FHIT: variants seen among roughly 807,000 people sequenced by gnomAD.
The protein encoded by FHIT is bis(5'-adenosyl)-triphosphatase.
FHIT carries 19 observed loss-of-function variants against 17.9 expected under a neutral mutation model. That is an observed-to-expected ratio of 1.06 (90% CI 0.74 to 1.56). The LOEUF (loss-of-function observed/expected upper bound fraction) is 1.56, where lower values mean the gene tolerates loss of function less well. FHIT is among the 40% of genes most tolerant of loss of function. The probability of loss-of-function intolerance (pLI) is 0.00; values close to 1 mark genes in which losing one functional copy is unlikely to be tolerated. For synonymous variants in FHIT, 81 were observed against 69.7 expected (o/e 1.16, Z -0.81); for missense variants, 248 against 189.2 (o/e 1.31, Z -1.82).
intron 8 of FHIT, among the ~76,000 whole-genome samples, chr3:59,800,839 A>G (rs1333139002): frequency 5.3e-5 from 8 of 151,960 alleles, no homozygotes; most frequent in Admixed American, 5.2e-4. Context: ...CAGGAGGGGG[A>G]GAGAAGAAAG....
chr3:61,081,416 G>A (rs2035133076), intron 2 of FHIT, among the ~76,000 whole-genome samples: 1 of 152,202 alleles, frequency 6.6e-6, no homozygotes, highest in South Asian at 2.1e-4. Flanking sequence ...CTGGCTGAAA[G>A]CAGAATGAGG....
intron 2 of FHIT, among the ~76,000 whole-genome samples, chr3:61,112,618 G>C (rs772832497): frequency 1.3e-5 from 2 of 152,150 alleles, no homozygotes; most frequent in Non-Finnish European, 2.9e-5. Context: ...TAATTGAGTA[G>C]GACTAGTGAA....
At chr3:60,914,192 C>T (rs1165418896) in intron 3 of FHIT, among the ~76,000 whole-genome samples, 9 of 152,088 alleles carry the variant, frequency 5.9e-5, no homozygotes, top group East Asian at 1.9e-4. Context: ...CAACTATATG[C>T]GAGGTCCCAT....
intron 5 of FHIT, among the ~76,000 whole-genome samples, chr3:60,209,479 T>C (rs1213044204): frequency 2.0e-5 from 3 of 152,162 alleles, no homozygotes; most frequent in Non-Finnish European, 4.4e-5. Flanking sequence ...TCTCACCATC[T>C]TTCTTACATT....
In FHIT at chr3:59,987,154, T is replaced by G. The variant is rs966990626; in HGVS notation, c.279+24217A>C. Among the ~76,000 whole-genome samples the G allele has an allele frequency of 2.1e-5, 3 of 144,698 alleles. No individual in the cohort carries two copies. In the Admixed American group the frequency reaches 2.1e-4, roughly 10 times the overall value. The allele number at this position is 144,698 out of a possible 152,430, so 94.9% of individuals were successfully genotyped here. On this transcript the variant is annotated intron_variant, in intron 7 of 9. Transcript: ENST00000492590. ...AAAATATATAATTATATAAATAATA[T>G]AGACATAAAAATATATATTTATATA...
At chr3:60,317,782 TTTC>T (rs1366771458) in intron 5 of FHIT, among the ~76,000 whole-genome samples, 3 of 123,848 alleles carry the variant, frequency 2.4e-5, no homozygotes, top group Non-Finnish European at 4.7e-5. Context: ...TGGGCAAGTT[TTTC>T]TTCTTTTTTT....
At chr3:60,247,893 C>G (rs1705484502) in intron 5 of FHIT, among the ~76,000 whole-genome samples, 1 of 152,132 alleles carries the variant, frequency 6.6e-6, no homozygotes, top group East Asian at 1.9e-4. Context: ...AATGTTAACT[C>G]TTTTTGTTAT....
intron 4 of FHIT, among the ~76,000 whole-genome samples, chr3:60,556,771 G>T (rs992854599): frequency 6.6e-6 from 1 of 152,246 alleles, no homozygotes; most frequent in African/African-American, 2.4e-5. Flanking sequence ...CATCACCTAG[G>T]TGTGTAACGC....
At chr3:60,617,252 C>T (rs551185362) in intron 4 of FHIT, 4 of 164,982 alleles carry the variant, frequency 2.4e-5, no homozygotes, top group Middle Eastern at 5.6e-4. Flanking sequence ...GATCTTGATA[C>T]TGTAAATATT....
At chr3:60,812,150 A>C (rs1024954233) in intron 4 of FHIT, among the ~76,000 whole-genome samples, 1 of 151,554 alleles carries the variant, frequency 6.6e-6, no homozygotes, top group African/African-American at 2.4e-5. Flanking sequence ...TCTTAATATA[A>C]ACATGTCTAT....
intron 5 of FHIT, among the ~76,000 whole-genome samples, chr3:60,391,593 C>A (rs964692460): frequency 6.6e-6 from 1 of 152,112 alleles, no homozygotes; most frequent in Non-Finnish European, 1.5e-5. Context: ...TTAACTGTAC[C>A]TTTTCTACGT....
intron 5 of FHIT, among the ~76,000 whole-genome samples, chr3:60,352,626 T>G (rs1576521823): frequency 6.6e-6 from 1 of 152,104 alleles, no homozygotes; most frequent in African/African-American, 2.4e-5. Flanking sequence ...CTCAGGCTAC[T>G]GAGTAGCTGA....
chr3:61,107,583 C>T (rs1271001459), intron 2 of FHIT, among the ~76,000 whole-genome samples: 3 of 152,184 alleles, frequency 2.0e-5, no homozygotes, highest in African/African-American at 7.2e-5. Flanking sequence ...TTCTCACCAA[C>T]AGTGTACATG....
chr3:60,353,514 C>G (rs919666321), intron 5 of FHIT, among the ~76,000 whole-genome samples: 3 of 152,128 alleles, frequency 2.0e-5, no homozygotes, highest in Admixed American at 6.6e-5. Context: ...GCTGGTGAGT[C>G]TAAACCTGAA....
At position 60,861,936 on chromosome 3, in the gene FHIT, C is replaced by T. The variant is rs561217518; in HGVS notation, c.-110-39925G>A. ...CTGCACTGGGCAACAGACCAAGACT[C>T]GGTCTCAAAAAAAAAAAAAAAAAGG... On this transcript the variant is annotated intron_variant, in intron 3 of 9. Coordinates refer to ENST00000492590, the MANE Select transcript of FHIT (RefSeq NM_002012.4). Among the ~76,000 whole-genome samples, 5 of 128,496 alleles carry T rather than the reference C, an allele frequency of 3.9e-5. No individual in the cohort carries two copies. In the South Asian group the frequency reaches 7.3e-4, roughly 19 times the overall value. 84.3% of individuals were successfully genotyped at this position (128,496 alleles called of 152,430 possible).
chr3:60,328,621 T>G (rs1036417006), intron 5 of FHIT, among the ~76,000 whole-genome samples: 1 of 152,160 alleles, frequency 6.6e-6, no homozygotes, highest in African/African-American at 2.4e-5. Context: ...CAGGATAGAT[T>G]TGGGGGGGAC....
chr3:59,908,838 C>T (rs1704716915), intron 8 of FHIT, among the ~76,000 whole-genome samples: 1 of 151,212 alleles, frequency 6.6e-6, no homozygotes, highest in African/African-American at 2.4e-5. Flanking sequence ...GAGTCAAGAA[C>T]ATTTCATTTT....
At chr3:60,746,452 G>A (rs530184067) in intron 4 of FHIT, among the ~76,000 whole-genome samples, 5 of 152,278 alleles carry the variant, frequency 3.3e-5, no homozygotes, top group Non-Finnish European at 5.9e-5. Flanking sequence ...CGACAGCAGC[G>A]GCCTATGGTT....
At chr3:60,275,974 G>C (rs1374110698) in intron 5 of FHIT, among the ~76,000 whole-genome samples, 1 of 144,676 alleles carries the variant, frequency 6.9e-6, no homozygotes, top group Non-Finnish European at 1.5e-5. Context: ...CAGTAGTTTT[G>C]AGAATTTGTT....
Sources: allele counts gnomAD v4.1 joint callset (sites outside exome capture counted in the v4.1 genomes callset), GRCh38; gene constraint gnomAD v4.1.1; transcripts MANE v1.5; gene names NCBI Gene and HGNC (gene_info 2026-07-23, HGNC 2026-07-21).